Variants in SOD2 observed in about 807,000 individuals in gnomAD.
The protein encoded by SOD2 is superoxide dismutase 2.
SOD2 carries 11 observed loss-of-function variants against 27.0 expected under a neutral mutation model. That is an observed-to-expected ratio of 0.41 (90% CI 0.26 to 0.67). The LOEUF is 0.67. Among genes scored for constraint, SOD2 ranks in the 30% least tolerant of loss-of-function variants. The probability of loss-of-function intolerance (pLI) is 0.34; values close to 1 mark genes in which losing one functional copy is unlikely to be tolerated. For synonymous variants in SOD2, 105 were observed against 103.0 expected (o/e 1.02, Z -0.12); for missense variants, 250 against 274.5 (o/e 0.91, Z 0.63).
Position 159,675,834 on chromosome 6 carries a change from T to G in SOD2, c.*6659A>C, listed in dbSNP as rs1366016910. 1 of 152,046 alleles carries G rather than the reference T, an allele frequency of 6.6e-6. No homozygotes were observed. Among genetic ancestry groups the G allele is most frequent in the African/African-American group, 2.4e-5 (1 of 41,390 alleles). 9.4% of individuals were successfully genotyped at this position (152,046 alleles called of 1,614,324 possible). A position where few individuals can be genotyped will look rare whatever the true frequency, so the allele number is the denominator to read the frequency against. Reference sequence around the variant, plus strand: ...GCAACCTACAAAATGGGAGAAAATTTTTGCAATCTACTCATCTGACAAAGG... The same window carrying G: ...GCAACCTACAAAATGGGAGAAAATTGTTGCAATCTACTCATCTGACAAAGG... On this transcript the variant is annotated 3_prime_UTR_variant, in exon 5 of 5. Transcript: ENST00000538183.
intron 1 of SOD2, among the ~76,000 whole-genome samples, chr6:159,739,335 C>T (rs1319790439): frequency 1.3e-5 from 2 of 152,126 alleles, no homozygotes; most frequent in East Asian, 3.8e-4. Context: ...CTAAAAGATG[C>T]ACTTATATTT....
At chr6:159,761,582 C>G (rs755271328) in exon 1 of SOD2, 5 of 455,906 alleles carry the variant, frequency 1.1e-5, no homozygotes, top group South Asian at 7.8e-5. Flanking sequence ...TGCTGAGACC[C>G]GCCGCGGGCC....
chr6:159,720,278 G>C (rs1475557426), intron 1 of SOD2: 1 of 152,102 alleles, frequency 6.6e-6, no homozygotes, highest in Non-Finnish European at 1.5e-5. Flanking sequence ...CACGAATCTT[G>C]ACCTCAAATG....
chr6:159,725,451 A>G (rs1324886848), intron 1 of SOD2: 1 of 149,758 alleles, frequency 6.7e-6, no homozygotes, highest in Non-Finnish European at 1.5e-5. Flanking sequence ...ACTGCACTCC[A>G]GCCTGGGCAA....
intron 1 of SOD2, among the ~76,000 whole-genome samples, chr6:159,758,199 GT>G (rs1200228786): frequency 6.7e-5 from 10 of 150,322 alleles, no homozygotes; most frequent in Non-Finnish European, 1.2e-4. Flanking sequence ...TCGATATTTT[GT>G]TTTGTTTTTC....
chr6:159,703,097 C>G (rs1164446145), intron 1 of SOD2, among the ~76,000 whole-genome samples: 1 of 152,024 alleles, frequency 6.6e-6, no homozygotes, highest in Non-Finnish European at 1.5e-5. Flanking sequence ...GGCAGATCAC[C>G]TGAGGTTGGG....
upstream of SOD2, chr6:159,749,051 C>T (rs1394818806): frequency 1.0e-6 from 1 of 991,298 alleles, no homozygotes; most frequent in Non-Finnish European, 1.2e-6. Context: ...TAGTTTGGGG[C>T]TCTATATTAC....
intron 1 of SOD2, among the ~76,000 whole-genome samples, chr6:159,735,471 A>T (rs1562454478): frequency 6.6e-6 from 1 of 152,158 alleles, no homozygotes; most frequent in Non-Finnish European, 1.5e-5. Flanking sequence ...ATGTAATAGG[A>T]TGGGCGTGGT....
chr6:159,696,514 T>C (rs1304773577), upstream of SOD2, among the ~76,000 whole-genome samples: 1 of 151,686 alleles, frequency 6.6e-6, no homozygotes, highest in Non-Finnish European at 1.5e-5. Context: ...GAGATGGGGT[T>C]TCACCATGTT....
Position 159,686,800 on chromosome 6 carries a change from T to G in SOD2, c.343+1326A>C, listed in dbSNP as rs544642725. 7.2e-5 allele frequency among the ~76,000 whole-genome samples: 11 copies of G among 152,098 alleles called. No individual in the cohort carries two copies. In the South Asian group the frequency reaches 1.0e-3, roughly 14 times the overall value. On this transcript the variant is annotated intron_variant, in intron 3 of 4. Coordinates refer to ENST00000538183, the MANE Select transcript of SOD2 (RefSeq NM_000636.4). ...CATAACACTGATTAAAAATGAACAA[T>G]AAAACCACAGAAACTTAGGGTGCAT...
chr6:159,671,587 T>C lies in SOD2; in HGVS notation c.*10906A>G, dbSNP rs910176005. On this transcript the variant is annotated 3_prime_UTR_variant, in exon 5 of 5. Transcript: ENST00000538183. The stretch of plus-strand genomic sequence containing the variant: ...AAAGGACATCCACACCAAAACCCCA[T>C]CTGCACATCACCATCACCAAAGACC... 6.6e-6 allele frequency: 1 copy of C among 152,174 alleles called. No individual in the cohort carries two copies. Among genetic ancestry groups the C allele is most frequent in the African/African-American group, 2.4e-5 (1 of 41,438 alleles). 9.4% of individuals were successfully genotyped at this position (152,174 alleles called of 1,614,324 possible).
In SOD2 at chr6:159,680,088, T is replaced by C. The variant is rs1319942780; in HGVS notation, c.*2405A>G. 2.0e-5 allele frequency: 3 copies of C among 152,140 alleles called. No homozygotes were observed. Among genetic ancestry groups the C allele is most frequent in the East Asian group, 3.9e-4 (2 of 5,192 alleles). 9.4% of individuals were successfully genotyped at this position (152,140 alleles called of 1,614,324 possible). On this transcript the variant is annotated 3_prime_UTR_variant, in exon 5 of 5. Transcript: ENST00000538183. ...TCTCACCAGAAAGCCAAAGCAAAAA[T>C]AGAGCCCCACAGAAATTTCAACATT...
chr6:159,721,367 G>A (rs1266540930), intron 1 of SOD2, among the ~76,000 whole-genome samples: 2 of 145,062 alleles, frequency 1.4e-5, no homozygotes, highest in Non-Finnish European at 3.0e-5. Flanking sequence ...GTGCCCAGCC[G>A]TTTTATTTAT....
chr6:159,735,248 C>T (rs1291633058), intron 1 of SOD2, among the ~76,000 whole-genome samples: 2 of 152,166 alleles, frequency 1.3e-5, no homozygotes, highest in East Asian at 3.9e-4. Context: ...TCAGGCGATT[C>T]CTGCCTCAGT....
intron 1 of SOD2, chr6:159,755,760 CTTTTCTTTTTTTTTTTTTT>C (rs2114963471): frequency 3.5e-6 from 1 of 281,890 alleles, no homozygotes; most frequent in East Asian, 9.3e-5. Context: ...TTTTTTTTTT[CTTTTCTTTTTTTTTTTTTT>C]TTTTTTTTTT....
rs915338594 is a variant in SOD2 at position 159,678,092 on chromosome 6, C to G, written c.*4401G>C. ...GGTAATGCTGACATAATGAAGCCTC[C>G]GTAAAACCCCAAAGGGTCGGGGTCC... On this transcript the variant is annotated 3_prime_UTR_variant, in exon 5 of 5. Transcript: ENST00000538183. The G allele has an allele frequency of 6.6e-6, 1 of 152,134 alleles. No individual in the cohort carries two copies. The highest frequency in any genetic ancestry group is 2.4e-5 in the African/African-American group (1 of 41,416). 9.4% of individuals were successfully genotyped at this position (152,134 alleles called of 1,614,324 possible).
intron 1 of SOD2, chr6:159,753,344 A>T: frequency 7.4e-7 from 1 of 1,352,602 alleles, no homozygotes; most frequent in South Asian, 1.3e-5. Context: ...ATTATGGGGA[A>T]GCATCTGCTG....
chr6:159,729,081 T>G (rs1430540150), upstream of SOD2, among the ~76,000 whole-genome samples: 1 of 152,216 alleles, frequency 6.6e-6, no homozygotes, highest in Non-Finnish European at 1.5e-5. Flanking sequence ...TGAAACACAA[T>G]GTGTAAAAAG....
At chr6:159,692,488 T>C in intron 2 of SOD2, 173 bp downstream of exon 2, 4 of 1,444,334 alleles carry the variant, frequency 2.8e-6, no homozygotes, top group Non-Finnish European at 3.7e-6. Context: ...GCACTCCTTC[T>C]ACAATGAGGT....
Sources: allele counts gnomAD v4.1 joint callset (sites outside exome capture counted in the v4.1 genomes callset), GRCh38; gene constraint gnomAD v4.1.1; transcripts MANE v1.5; gene names NCBI Gene and HGNC (gene_info 2026-07-23, HGNC 2026-07-21).